Variants in L3MBTL3 observed in about 807,000 individuals in gnomAD.
L3MBTL3 encodes lethal(3)malignant brain tumor-like protein 3.
L3MBTL3 carries 27 observed loss-of-function variants against 102.3 expected under a neutral mutation model. That is an observed-to-expected ratio of 0.26 (90% CI 0.19 to 0.36). L3MBTL3 has a LOEUF of 0.36. L3MBTL3 is among the 10% of genes least tolerant of loss of function. L3MBTL3 has a pLI of 1.00. For synonymous variants in L3MBTL3, 340 were observed against 320.9 expected (o/e 1.06, Z -0.64); for missense variants, 798 against 955.3 (o/e 0.84, Z 2.17).
intron 2 of L3MBTL3, among the ~76,000 whole-genome samples, chr6:130,028,476 C>T (rs1403897809): frequency 2.0e-5 from 3 of 152,184 alleles, no homozygotes; most frequent in Non-Finnish European, 4.4e-5. Flanking sequence ...CCCAACTTCT[C>T]AAGGATTTGT....
chr6:130,072,543 GT>G (rs1271001721), intron 13 of L3MBTL3, among the ~76,000 whole-genome samples: 1 of 152,096 alleles, frequency 6.6e-6, no homozygotes, highest in Non-Finnish European at 1.5e-5. Context: ...TATAATAAAA[GT>G]TTTTCATTGA....
intron 8 of L3MBTL3, among the ~76,000 whole-genome samples, chr6:130,055,928 C>T (rs981032812): frequency 1.4e-5 from 2 of 142,950 alleles, no homozygotes; most frequent in Admixed American, 1.4e-4. Context: ...TCCCTCCCCT[C>T]CCCTCCCCTC....
chr6:130,064,574 A>G (rs1329318068), intron 10 of L3MBTL3, among the ~76,000 whole-genome samples: 1 of 152,220 alleles, frequency 6.6e-6, no homozygotes, highest in East Asian at 1.9e-4. Flanking sequence ...GGTGGTTAGC[A>G]TGGGGGAAGA....
rs758593874 is a variant in L3MBTL3 at position 130,049,399 on chromosome 6, G to A, written c.214+6G>A. The A allele has an allele frequency of 3.3e-6, 5 of 1,494,124 alleles. No individual in the cohort carries two copies. The highest frequency in any genetic ancestry group is 4.6e-6 in the Non-Finnish European group (5 of 1,081,946). 92.6% of individuals were successfully genotyped at this position (1,494,124 alleles called of 1,614,324 possible). A position where few individuals can be genotyped will look rare whatever the true frequency, so the allele number is the denominator to read the frequency against. Reference sequence around the variant, plus strand: ...GGTACCAACTGCTCAAGAAGGTAAGGATGGGTCATCTGCATTTTATTTCTT... The same window carrying A: ...GGTACCAACTGCTCAAGAAGGTAAGAATGGGTCATCTGCATTTTATTTCTT... On this transcript the variant is annotated splice_donor_region_variant and intron_variant, in intron 4 of 22. Coordinates refer to ENST00000361794, the MANE Select transcript of L3MBTL3 (RefSeq NM_032438.4).
At chr6:130,056,033 T>C (rs1015452919) in intron 8 of L3MBTL3, among the ~76,000 whole-genome samples, 3 of 151,718 alleles carry the variant, frequency 2.0e-5, no homozygotes, top group Non-Finnish European at 4.4e-5. Flanking sequence ...GTTCACGTGA[T>C]TCCCCTGCCA....
At chr6:130,107,828 C>T (rs576195663) in intron 19 of L3MBTL3, among the ~76,000 whole-genome samples, 1 of 152,242 alleles carries the variant, frequency 6.6e-6, no homozygotes, top group African/African-American at 2.4e-5. Context: ...TTTTTCCTCC[C>T]ATGCAACTTT....
At chr6:130,064,510 A>G (rs1002621637) in intron 10 of L3MBTL3, among the ~76,000 whole-genome samples, 1 of 152,170 alleles carries the variant, frequency 6.6e-6, no homozygotes, top group African/African-American at 2.4e-5. Context: ...ATCCATATGG[A>G]TGACGAAAGT....
In L3MBTL3 at chr6:130,134,505, C is replaced by G. The variant is rs144007542; in HGVS notation, c.2199+600C>G. Among the ~76,000 whole-genome samples the G allele has an allele frequency of 1.3e-5, 2 of 152,308 alleles. 1 individual carries two copies. The highest frequency in any genetic ancestry group is 3.9e-4 in the East Asian group (2 of 5,180). On this transcript the variant is annotated intron_variant, in intron 22 of 22. Coordinates refer to ENST00000361794, the MANE Select transcript of L3MBTL3 (RefSeq NM_032438.4). ...GGGTGATTAAGAATGATATCACTTA[C>G]AGTGAGCACTAGAATAAAAAGGAAT... is the stretch of plus-strand genomic sequence containing the variant.
chr6:130,025,743 AT>A lies in L3MBTL3; in HGVS notation c.-16+3440del, dbSNP rs549037952. Among the ~76,000 whole-genome samples, 3 of 152,282 alleles carry A rather than the reference AT, an allele frequency of 2.0e-5. No homozygotes were observed. The South Asian group carries it at 6.2e-4, about 32-fold the overall frequency. On this transcript the variant is annotated intron_variant, in intron 2 of 22. Transcript: ENST00000361794. The stretch of plus-strand genomic sequence containing the variant: ...ACAGTAAAATGCCTTCTGCATTATT[AT>A]TCTTTCTCCCATATATACTGTAAAT...
At chr6:130,081,006 C>T (rs773259647) in intron 14 of L3MBTL3, among the ~76,000 whole-genome samples, 2 of 152,222 alleles carry the variant, frequency 1.3e-5, no homozygotes, top group African/African-American at 2.4e-5. Flanking sequence ...CAGCTGCTTC[C>T]TTCACCCCCT....
chr6:130,133,976 A>T lies in L3MBTL3; in HGVS notation c.2199+71A>T. On this transcript the variant is annotated intron_variant, in intron 22 of 22. Transcript: ENST00000361794. The surrounding 1 kb of genome is among the most constrained non-coding windows in gnomAD (Gnocchi z 4.9). ...GCACTGAAATGCAGTGGAAGGTGAA[A>T]TGTGTGGAATTGGCAGAGTCAAAAA... 1 of 1,235,330 alleles carries T rather than the reference A, an allele frequency of 8.1e-7. No individual in the cohort carries two copies. 76.5% of individuals were successfully genotyped at this position (1,235,330 alleles called of 1,614,324 possible).
chr6:130,089,958 C>T (rs892225874), intron 16 of L3MBTL3, among the ~76,000 whole-genome samples: 1 of 152,132 alleles, frequency 6.6e-6, no homozygotes, highest in Non-Finnish European at 1.5e-5. Flanking sequence ...CAGCAGCCAC[C>T]TATTCCACTG....
chr6:130,138,216 A>T (rs1451475890), intron 22 of L3MBTL3: 1 of 152,206 alleles, frequency 6.6e-6, no homozygotes, highest in Non-Finnish European at 1.5e-5. Context: ...TGCAGAATTT[A>T]GAGTTGTCTT....
In L3MBTL3 at chr6:130,070,935, A is replaced by G. The variant is rs778852272; in HGVS notation, c.1093-41A>G. 13 of 1,582,866 alleles carry G rather than the reference A, an allele frequency of 8.2e-6. 1 individual carries two copies. The South Asian group carries it at 1.1e-4, about 14-fold the overall frequency. On this transcript the variant is annotated intron_variant, in intron 12 of 22. Transcript: ENST00000361794. ...GAGTGTGCAGTTCTTGTGGTTGTCA[A>G]GTGTGTGCTTATCTCTAATTAAATC... is the stretch of plus-strand genomic sequence containing the variant.
At chr6:130,086,030 G>A in intron 15 of L3MBTL3, 110 bp from the exon 16 acceptor site, 1 of 722,336 alleles carries the variant, frequency 1.4e-6, no homozygotes, top group Non-Finnish European at 2.5e-6. Context: ...TGGGATTACA[G>A]GTGTGAGCCA....
At chr6:130,072,670 A>G (rs1409249883) in intron 13 of L3MBTL3, among the ~76,000 whole-genome samples, 2 of 152,078 alleles carry the variant, frequency 1.3e-5, no homozygotes, top group African/African-American at 2.4e-5. Context: ...CTGTATTCCT[A>G]CTCCTAAAAT....
At chr6:130,025,817 T>G (rs533735575) in intron 2 of L3MBTL3, among the ~76,000 whole-genome samples, 2 of 152,194 alleles carry the variant, frequency 1.3e-5, no homozygotes, top group Non-Finnish European at 2.9e-5. Flanking sequence ...CTCTATTTTG[T>G]CTAAATTACT....
intron 18 of L3MBTL3, among the ~76,000 whole-genome samples, chr6:130,098,576 C>A (rs1039875465): frequency 6.6e-6 from 1 of 152,072 alleles, no homozygotes; most frequent in Non-Finnish European, 1.5e-5. Flanking sequence ...TAATAATAAT[C>A]GGTGGGATTT....
chr6:130,079,981 C>T (rs1273133870), intron 14 of L3MBTL3, among the ~76,000 whole-genome samples: 8 of 152,272 alleles, frequency 5.3e-5, no homozygotes, highest in African/African-American at 1.9e-4. Flanking sequence ...TGGCCAGGCA[C>T]CTATGGCTCA....
Sources: allele counts gnomAD v4.1 joint callset (sites outside exome capture counted in the v4.1 genomes callset), GRCh38; gene constraint gnomAD v4.1.1; non-coding constraint Gnocchi (gnomAD v3.1); transcripts MANE v1.5; gene names NCBI Gene and HGNC (gene_info 2026-07-23, HGNC 2026-07-21).